RFTN2: variants seen among roughly 807,000 people sequenced by gnomAD.
The protein encoded by RFTN2 is raftlin-2.
In RFTN2, 34 loss-of-function variants were observed where a neutral mutation model predicts 52.7. The ratio of observed to expected loss-of-function variants is 0.64; its 90% CI spans 0.49 to 0.86. The LOEUF (loss-of-function observed/expected upper bound fraction) is 0.86, where lower values mean the gene tolerates loss of function less well. Ranked by LOEUF, RFTN2 falls within the 40% of genes least tolerant of loss-of-function variation. The probability of loss-of-function intolerance (pLI) is 0.00; values close to 1 mark genes in which losing one functional copy is unlikely to be tolerated. For missense variants in RFTN2, 536 were observed against 600.1 expected (o/e 0.89, Z 1.12); for synonymous variants, 203 against 217.7 (o/e 0.93, Z 0.59).
chr2:197,670,024 T>C (rs147100144), intron 1 of RFTN2, among the ~76,000 whole-genome samples: 11 of 152,348 alleles, frequency 7.2e-5, no homozygotes, highest in Non-Finnish European at 1.3e-4. Flanking sequence ...TGGACTTGTG[T>C]GTCTGTCTTC....
intron 1 of RFTN2, among the ~76,000 whole-genome samples, chr2:197,651,517 G>A (rs1030935243): frequency 6.6e-6 from 1 of 152,168 alleles, no homozygotes; most frequent in African/African-American, 2.4e-5. Context: ...TACTTGGGAG[G>A]CTGAGGCAGG....
chr2:197,625,963 A>G (rs375514946), intron 5 of RFTN2, among the ~76,000 whole-genome samples: 1 of 151,724 alleles, frequency 6.6e-6, no homozygotes, highest in South Asian at 2.1e-4. Context: ...TAATTTTTGC[A>G]TTTCTAATAG....
chr2:197,625,858 C>G (rs2088351365), intron 5 of RFTN2, among the ~76,000 whole-genome samples: 1 of 149,548 alleles, frequency 6.7e-6, no homozygotes, highest in South Asian at 2.1e-4. Context: ...GTGGTGTGAT[C>G]TCGGCTCACT....
intron 1 of RFTN2, among the ~76,000 whole-genome samples, chr2:197,651,486 G>A (rs1466295242): frequency 5.9e-5 from 9 of 152,152 alleles, no homozygotes; most frequent in Admixed American, 5.2e-4. Flanking sequence ...AGGCATGGTG[G>A]CAGATGCCTG....
intron 2 of RFTN2, among the ~76,000 whole-genome samples, chr2:197,644,806 A>G (rs1212470026): frequency 6.6e-6 from 1 of 152,228 alleles, no homozygotes; most frequent in Middle Eastern, 3.2e-3. Flanking sequence ...TTTGCTTAGT[A>G]ATGCTTAAAC....
At chr2:197,590,242 T>G (rs2087681246) in intron 8 of RFTN2, among the ~76,000 whole-genome samples, 1 of 152,092 alleles carries the variant, frequency 6.6e-6, no homozygotes, top group Non-Finnish European at 1.5e-5. Context: ...TGACAAAGAT[T>G]TTCTCCTATG....
chr2:197,575,747 A>C (rs1056725195), intron 8 of RFTN2, among the ~76,000 whole-genome samples: 6 of 127,044 alleles, frequency 4.7e-5, no homozygotes, highest in African/African-American at 1.7e-4. Context: ...TATGTATATA[A>C]AATATATTTT....
At position 197,571,560 on chromosome 2, in the gene RFTN2, C is replaced by A; in HGVS notation, c.*448G>T. On this transcript the variant is annotated 3_prime_UTR_variant, in exon 9 of 9. Transcript: ENST00000295049. The stretch of plus-strand genomic sequence containing the variant: ...ATAGATATTTATTTGCACTAATTAG[C>A]TGTGTGTGTGTATGAGAGAGAGAGA... 1 of 157,638 alleles carries A rather than the reference C, an allele frequency of 6.3e-6. No individual in the cohort carries two copies. The highest frequency in any genetic ancestry group is 1.4e-5 in the Non-Finnish European group (1 of 71,946). The allele number at this position is 157,638 out of a possible 1,614,324, so 9.8% of individuals were successfully genotyped here.
At chr2:197,588,515 C>T (rs770051374) in intron 8 of RFTN2, among the ~76,000 whole-genome samples, 1 of 152,176 alleles carries the variant, frequency 6.6e-6, no homozygotes, top group South Asian at 2.1e-4. Flanking sequence ...CATGCCCAGT[C>T]CTTTTTATTT....
chr2:197,641,478 TC>T (rs2088674054), intron 3 of RFTN2, among the ~76,000 whole-genome samples: 1 of 152,212 alleles, frequency 6.6e-6, no homozygotes, highest in Admixed American at 6.5e-5. Context: ...CGTCAGTGCT[TC>T]CTCTAGGTCT....
chr2:197,569,676 C>T lies in RFTN2; in HGVS notation c.*2332G>A, dbSNP rs896969019. 1.7e-4 allele frequency: 26 copies of T among 152,270 alleles called. No individual in the cohort carries two copies. The highest frequency in any genetic ancestry group is 1.5e-3 in the Admixed American group (23 of 15,286). The allele number at this position is 152,270 out of a possible 1,614,324, so 9.4% of individuals were successfully genotyped here. A position where few individuals can be genotyped will look rare whatever the true frequency, so the allele number is the denominator to read the frequency against. ...GCGATTGCTTGGCTGGGTGCAGTGGCTCACACCTGTAATCCCAGCACATTG... is the reference window on the plus strand; with the variant it reads ...GCGATTGCTTGGCTGGGTGCAGTGGTTCACACCTGTAATCCCAGCACATTG... On this transcript the variant is annotated 3_prime_UTR_variant, in exon 9 of 9. Transcript: ENST00000295049.
chr2:197,619,426 T>C (rs1397255683), intron 5 of RFTN2, among the ~76,000 whole-genome samples: 6 of 152,358 alleles, frequency 3.9e-5, no homozygotes, highest in African/African-American at 1.4e-4. Context: ...TGGGATCCTG[T>C]TGATTGGTGA....
chr2:197,621,657 T>A (rs1247262177), intron 5 of RFTN2, among the ~76,000 whole-genome samples: 2 of 152,072 alleles, frequency 1.3e-5, no homozygotes, highest in East Asian at 3.9e-4. Context: ...ATTTAACTGA[T>A]AAACGTTGTG....
At chr2:197,659,138 G>A (rs977952896) in intron 1 of RFTN2, among the ~76,000 whole-genome samples, 1 of 152,108 alleles carries the variant, frequency 6.6e-6, no homozygotes, top group African/African-American at 2.4e-5. Context: ...TATGAAAATA[G>A]TCCAAGACAT....
intron 5 of RFTN2, among the ~76,000 whole-genome samples, chr2:197,624,106 T>C (rs1244200417): frequency 6.6e-6 from 1 of 151,782 alleles, no homozygotes; most frequent in African/African-American, 2.4e-5. Context: ...GTCTAGAAAA[T>C]GGTTTCTTAA....
intron 1 of RFTN2, among the ~76,000 whole-genome samples, chr2:197,656,862 C>T (rs1385107208): frequency 6.6e-6 from 1 of 152,044 alleles, no homozygotes; most frequent in Non-Finnish European, 1.5e-5. Context: ...TCAAATGCCT[C>T]ACAGGTACTA....
chr2:197,632,636 A>G (rs551267904), intron 4 of RFTN2, among the ~76,000 whole-genome samples: 1 of 152,314 alleles, frequency 6.6e-6, no homozygotes, highest in South Asian at 2.1e-4. Context: ...CATTGCAGAA[A>G]AATCAGGGAC....
intron 5 of RFTN2, among the ~76,000 whole-genome samples, chr2:197,630,808 C>G (rs2088456554): frequency 6.6e-6 from 1 of 152,116 alleles, no homozygotes; most frequent in African/African-American, 2.4e-5. Flanking sequence ...TATTTCTGCC[C>G]ACACTCCTTA....
chr2:197,579,239 T>C (rs2087466928), intron 8 of RFTN2, among the ~76,000 whole-genome samples: 1 of 152,158 alleles, frequency 6.6e-6, no homozygotes, highest in Admixed American at 6.5e-5. Context: ...CAAGTACCAC[T>C]TTCCCTGGGT....
Sources: gnomAD v4.1 joint callset for allele counts (sites outside exome capture counted in the v4.1 genomes callset) on GRCh38, gnomAD v4.1.1 for gene constraint, MANE v1.5 for transcripts, NCBI Gene and HGNC (gene_info 2026-07-23, HGNC 2026-07-21) for gene names.